The following UPF2 variants were observed in gnomAD, a reference collection of about 807,000 sequenced individuals.
The protein encoded by UPF2 is regulator of nonsense transcripts 2.
Under a neutral mutation model 141.4 loss-of-function variants are expected in UPF2, and 17 were observed. That is an observed-to-expected ratio of 0.12 (90% confidence interval 0.08 to 0.18). The LOEUF (loss-of-function observed/expected upper bound fraction) is 0.18, where lower values mean the gene tolerates loss of function less well. Among genes scored for constraint, UPF2 ranks in the 10% least tolerant of loss-of-function variants. The probability of loss-of-function intolerance (pLI) is 1.00; values close to 1 mark genes in which losing one functional copy is unlikely to be tolerated. For missense variants in UPF2, 1,152 were observed against 1,515.9 expected, an observed-to-expected ratio of 0.76 and a Z score of 3.99; for synonymous variants, 540 against 498.0, an observed-to-expected ratio of 1.08 and a Z score of -1.12.
intron 3 of UPF2, among the ~76,000 whole-genome samples, chr10:12,022,215 C>T (rs1038259997): frequency 2.0e-5 from 3 of 151,708 alleles, no homozygotes; most frequent in East Asian, 3.9e-4. Flanking sequence ...AGTTCGAGAC[C>T]AGCCTGGGCA....
In UPF2 at chr10:11,936,618, C is replaced by G; in HGVS notation, c.3473G>C (p.Gly1158Ala). The change falls in exon 19 of 22, where the codon GGT becomes GCT. Residue 1158 changes from glycine (G) to alanine (A), a missense_variant. By Grantham distance (60) the Gly-to-Ala change is moderately conservative. This residue lies in a region of UPF2 where 202 missense variants were observed against 223.6 expected (regional missense o/e 0.90). Transcript: ENST00000357604. This position sits in a 1 kb window ranked among gnomAD's most constrained non-coding sequence, Gnocchi z 6.6. ...TGCAGACTCAGCCTCTCCTTCCCCA[C>G]CTCCCAGTGGGGGCCCTTTCCTCAG... ...SQLRKGPPLG[G>A]GEGEAESADT... The G allele has an allele frequency of 6.2e-7, 1 of 1,613,466 alleles. No individual in the cohort carries two copies. The highest frequency in any genetic ancestry group is 1.1e-5 in the South Asian group (1 of 90,852).
At chr10:11,989,066 A>C (rs1224605242) in intron 8 of UPF2, among the ~76,000 whole-genome samples, 1 of 152,202 alleles carries the variant, frequency 6.6e-6, no homozygotes, top group Admixed American at 6.5e-5. Context: ...TCAAAATGAA[A>C]GGCTTTTTTG....
At chr10:11,949,225 C>G (rs1353751902) in intron 15 of UPF2, among the ~76,000 whole-genome samples, 1 of 152,150 alleles carries the variant, frequency 6.6e-6, no homozygotes, top group Non-Finnish European at 1.5e-5. Flanking sequence ...TCATCTGATC[C>G]CACTGATCTG....
chr10:11,972,851 CGT>C (rs1403570871), intron 9 of UPF2, among the ~76,000 whole-genome samples: 4 of 152,062 alleles, frequency 2.6e-5, no homozygotes, highest in Admixed American at 2.6e-4. Context: ...CATACGTGTG[CGT>C]GTGTCTTTAT....
In UPF2 at chr10:11,980,493, C is replaced by G. The variant is rs1278466054; in HGVS notation, c.1845-1328G>C. Among the ~76,000 whole-genome samples, 32 of 152,158 alleles carry G rather than the reference C, an allele frequency of 2.1e-4. No individual in the cohort carries two copies. The highest frequency in any genetic ancestry group is 2.1e-3 in the Admixed American group (32 of 15,280). On this transcript the variant is annotated intron_variant, in intron 8 of 21. Coordinates refer to ENST00000357604, the MANE Select transcript of UPF2 (RefSeq NM_015542.4). This position sits in a 1 kb window ranked among gnomAD's most constrained non-coding sequence, Gnocchi z 4.2. Reference sequence around the variant, plus strand: ...GGGCACGGTGGCTCACATCTGTAATCCCAGCACTTTGGGAGGCTGAGGCAG... The same window carrying G: ...GGGCACGGTGGCTCACATCTGTAATGCCAGCACTTTGGGAGGCTGAGGCAG...
At chr10:11,965,501 C>T (rs1833304109) in intron 10 of UPF2, among the ~76,000 whole-genome samples, 1 of 151,968 alleles carries the variant, frequency 6.6e-6, no homozygotes, top group African/African-American at 2.4e-5. Context: ...GCTCTGTCAC[C>T]CAGTCTGGAG....
chr10:11,961,243 T>A (rs1833236049), intron 11 of UPF2, among the ~76,000 whole-genome samples: 1 of 152,088 alleles, frequency 6.6e-6, no homozygotes, highest in South Asian at 2.1e-4. Flanking sequence ...AACAAATAAA[T>A]CAACTACTAT....
rs1238745917 is a variant in UPF2 at position 12,014,224 on chromosome 10, AG to A, written c.1146-41del. 7 of 1,334,630 alleles carry A rather than the reference AG, an allele frequency of 5.2e-6. No homozygotes were observed. The East Asian group carries it at 1.9e-4, about 37-fold the overall frequency. 82.7% of individuals were successfully genotyped at this position (1,334,630 alleles called of 1,614,324 possible). On this transcript the variant is annotated intron_variant, in intron 3 of 21. Coordinates refer to ENST00000357604, the MANE Select transcript of UPF2 (RefSeq NM_015542.4). The surrounding 1 kb of genome is among the most constrained non-coding windows in gnomAD (Gnocchi z 5.0). ...AATCATCTGACAGTCTTATCAAAATAGATGTGATCACAAATTGTTATATATG... is the reference window on the plus strand; with the variant it reads ...AATCATCTGACAGTCTTATCAAAATAATGTGATCACAAATTGTTATATATG...
chr10:11,928,293 C>T (rs994607809), intron 21 of UPF2, among the ~76,000 whole-genome samples: 12 of 152,002 alleles, frequency 7.9e-5, no homozygotes, highest in East Asian at 1.9e-4. Context: ...GCCAAGATCA[C>T]GCTGCTGCAC....
intron 8 of UPF2, among the ~76,000 whole-genome samples, chr10:11,990,911 C>A (rs1300852690): frequency 2.7e-5 from 4 of 150,722 alleles, no homozygotes; most frequent in Non-Finnish European, 5.9e-5. Flanking sequence ...TGGTGTGAAC[C>A]CAGGAGGCGG....
intron 12 of UPF2, among the ~76,000 whole-genome samples, chr10:11,958,748 A>T (rs943335495): frequency 6.6e-6 from 1 of 152,202 alleles, no homozygotes; most frequent in Non-Finnish European, 1.5e-5. Context: ...AAAGCTGCAG[A>T]CCCTGTTTCC....
intron 8 of UPF2, among the ~76,000 whole-genome samples, chr10:11,987,172 C>T (rs1285106134): frequency 6.6e-6 from 1 of 152,162 alleles, no homozygotes; most frequent in East Asian, 1.9e-4. Context: ...CATATGTATA[C>T]TTTAGATATA....
At position 12,016,027 on chromosome 10, in the gene UPF2, T is replaced by C. The variant is rs1371643006; in HGVS notation, c.1146-1843A>G. 1.3e-5 allele frequency among the ~76,000 whole-genome samples: 2 copies of C among 152,162 alleles called. No homozygotes were observed. Among genetic ancestry groups the C allele is most frequent in the African/African-American group, 2.4e-5 (1 of 41,438 alleles). On this transcript the variant is annotated intron_variant, in intron 3 of 21. Coordinates refer to ENST00000357604, the MANE Select transcript of UPF2 (RefSeq NM_015542.4). This position sits in a 1 kb window ranked among gnomAD's most constrained non-coding sequence, Gnocchi z 4.1. ...TCTTCAAACATGTGTTTCAGACTAC[T>C]GTTACAAACACAAACAAAATTTTTT...
intron 3 of UPF2, among the ~76,000 whole-genome samples, chr10:12,022,158 T>A (rs1834329362): frequency 1.3e-5 from 2 of 149,500 alleles, no homozygotes; most frequent in Admixed American, 6.7e-5. Flanking sequence ...ACTCCTGTAA[T>A]CCTACCACTT....
rs753865964 is a variant in UPF2, at chr10:11,921,112, G to A, written c.*186C>T. On this transcript the variant is annotated 3_prime_UTR_variant, in exon 22 of 22. Coordinates refer to ENST00000357604, the MANE Select transcript of UPF2 (RefSeq NM_015542.4). The surrounding 1 kb of genome is among the most constrained non-coding windows in gnomAD (Gnocchi z 5.9). ...CTTTTCCGCCTTGTCTGGAAGCGTC[G>A]GCTTGTTCCGGTGTTGGCAGAGGCT... 2.4e-5 allele frequency: 20 copies of A among 828,134 alleles called. No homozygotes were observed. The highest frequency in any genetic ancestry group is 8.3e-5 in the African/African-American group (5 of 59,924). The allele number at this position is 828,134 out of a possible 1,614,324, so 51.3% of individuals were successfully genotyped here.
intron 1 of UPF2, among the ~76,000 whole-genome samples, chr10:12,037,176 G>A (rs750375654): frequency 5.9e-5 from 9 of 151,948 alleles, no homozygotes; most frequent in South Asian, 2.1e-4. Context: ...TCTCGACCTC[G>A]CAGGCTCAAG....
At position 12,001,575 on chromosome 10, in the gene UPF2, T is replaced by A. The variant is rs1286717526; in HGVS notation, c.1654+101A>T. 8.4e-6 allele frequency: 10 copies of A among 1,194,622 alleles called. No individual in the cohort carries two copies. The East Asian group carries it at 2.4e-4, about 28-fold the overall frequency. The allele number at this position is 1,194,622 out of a possible 1,614,324, so 74.0% of individuals were successfully genotyped here. Reference sequence around the variant, plus strand: ...CTGAAAACAACAGAAAAACAAGGAATTAAAAAATACAGAATTAAGGAGAAA... The same window carrying A: ...CTGAAAACAACAGAAAAACAAGGAAATAAAAAATACAGAATTAAGGAGAAA... On this transcript the variant is annotated intron_variant, in intron 6 of 21. Coordinates refer to ENST00000357604, the MANE Select transcript of UPF2 (RefSeq NM_015542.4).
At chr10:11,965,942 A>G (rs1407101615) in intron 10 of UPF2, among the ~76,000 whole-genome samples, 7 of 152,254 alleles carry the variant, frequency 4.6e-5, no homozygotes, top group Admixed American at 2.6e-4. Context: ...CAACCTTAGT[A>G]ACGGAATGAT....
Position 12,001,754 on chromosome 10 carries a change from C to A in UPF2, c.1576G>T (p.Glu526Ter). ...AATTCTAAGGTGTCATCATTAATTT[C>A]TAGATTCTCCAACTCAAGTTCCAAA... ...DDLELELENL[E>*]INDDTLELEG... The change falls in exon 6 of 22, where the codon GAA (glutamate) becomes TAA (stop). Residue 526 changes from glutamate (E) to a stop codon, truncating the protein, a stop_gained. Transcript: ENST00000357604. LOFTEE classifies it high-confidence loss of function. The A allele has an allele frequency of 6.2e-7, 1 of 1,613,156 alleles. No homozygotes were observed. Among genetic ancestry groups the A allele is most frequent in the Non-Finnish European group, 8.5e-7 (1 of 1,179,680 alleles).
Sources: allele counts gnomAD v4.1 joint callset (sites outside exome capture counted in the v4.1 genomes callset), GRCh38; gene constraint gnomAD v4.1.1; regional missense constraint gnomAD v4.1.1; non-coding constraint Gnocchi (gnomAD v3.1); transcripts MANE v1.5; gene names NCBI Gene and HGNC (gene_info 2026-07-23, HGNC 2026-07-21).